The following SYT16 variants were observed in gnomAD, a reference collection of about 807,000 sequenced individuals.
The protein encoded by SYT16 is synaptotagmin 16, also known as synaptotagmin-16.
SYT16 carries 42 observed loss-of-function variants against 61.4 expected under a neutral mutation model. The ratio of observed to expected loss-of-function variants is 0.68; its 90% CI spans 0.53 to 0.89. The LOEUF is 0.89. Ranked by LOEUF, SYT16 falls within the 40% of genes least tolerant of loss-of-function variation. The pLI is 0.00. For synonymous variants in SYT16, 314 were observed against 302.3 expected, an observed-to-expected ratio of 1.04 and a Z score of -0.40; for missense variants, 804 against 807.3, an observed-to-expected ratio of 1.00 and a Z score of 0.05.
rs138262578 is a variant in SYT16, at chr14:62,019,204, G to T, written c.523+22662G>T. Among the ~76,000 whole-genome samples, 681 of 152,306 alleles carry T rather than the reference G, an allele frequency of 4.5e-3. 3 individuals are homozygous for T. Among genetic ancestry groups the T allele is most frequent in the Non-Finnish European group, 6.8e-3 (462 of 68,022 alleles). ...GGAATAACACTGTAGTAATACAAAA[G>T]ATTTTATTTTTAAGCTTGAATTTTA... On this transcript the variant is annotated intron_variant, in intron 3 of 7. Transcript: ENST00000683842.
chr14:61,922,775 C>T (rs950360525), intron 1 of SYT16, among the ~76,000 whole-genome samples: 15 of 152,150 alleles, frequency 9.9e-5, no homozygotes, highest in East Asian at 7.7e-4. Context: ...GTAGGCCAGG[C>T]GTGGTAGCTC....
At chr14:61,884,467 A>G (rs1005372270) in intron 1 of SYT16, among the ~76,000 whole-genome samples, 2 of 152,230 alleles carry the variant, frequency 1.3e-5, no homozygotes, top group Non-Finnish European at 2.9e-5. Context: ...GCTTCAGTCA[A>G]TGATATGCAT....
intron 1 of SYT16, among the ~76,000 whole-genome samples, chr14:61,835,949 G>T (rs1469834434): frequency 6.6e-6 from 1 of 152,136 alleles, no homozygotes; most frequent in East Asian, 1.9e-4. Context: ...GCCTAGAACG[G>T]TGGTTTACAA....
chr14:62,025,210 G>A (rs1490720352), intron 3 of SYT16, among the ~76,000 whole-genome samples: 1 of 152,080 alleles, frequency 6.6e-6, no homozygotes, highest in Non-Finnish European at 1.5e-5. Context: ...GTCTTCCAAA[G>A]TGGTTATACC....
intron 1 of SYT16, among the ~76,000 whole-genome samples, chr14:61,960,648 A>G (rs1440556132): frequency 6.6e-6 from 1 of 152,296 alleles, no homozygotes; most frequent in East Asian, 1.9e-4. Context: ...ATCTGCAAAC[A>G]TGGATAGTTT....
intron 5 of SYT16, chr14:62,079,324 C>T: frequency 8.6e-7 from 1 of 1,164,412 alleles, no homozygotes; most frequent in Non-Finnish European, 1.1e-6. Flanking sequence ...TACAAGAAAT[C>T]TAAATTTTCT....
chr14:62,016,299 A>C (rs185456436), intron 3 of SYT16, among the ~76,000 whole-genome samples: 4 of 152,348 alleles, frequency 2.6e-5, no homozygotes, highest in Admixed American at 2.6e-4. Flanking sequence ...GATGTTATAC[A>C]TACCAGAGAG....
At chr14:62,067,224 A>G (rs113666918) in intron 3 of SYT16, among the ~76,000 whole-genome samples, 5 of 152,220 alleles carry the variant, frequency 3.3e-5, no homozygotes, top group African/African-American at 1.2e-4. Flanking sequence ...ACCGTGGAGA[A>G]GGCATTGTTT....
chr14:62,093,445 G>GTC (rs978676674), intron 7 of SYT16, among the ~76,000 whole-genome samples: 1 of 151,884 alleles, frequency 6.6e-6, no homozygotes, highest in African/African-American at 2.4e-5. Context: ...TTAGATTAAG[G>GTC]TCTCTCTCTT....
Position 61,916,725 on chromosome 14 carries a change from T to C in SYT16, c.-324-53407T>C, listed in dbSNP as rs111529217. Reference sequence around the variant, plus strand: ...TGTATTGGACTCATTAACCAGCCTCTCCTTATCTCCTCTCCCCTGATCCTT... The same window carrying C: ...TGTATTGGACTCATTAACCAGCCTCCCCTTATCTCCTCTCCCCTGATCCTT... On this transcript the variant is annotated intron_variant, in intron 1 of 7. Transcript: ENST00000683842. Among the ~76,000 whole-genome samples, 26 of 152,214 alleles carry C rather than the reference T, an allele frequency of 1.7e-4. 1 individual carries two copies. The highest frequency in any genetic ancestry group is 3.4e-3 in the Middle Eastern group (1 of 294).
intron 7 of SYT16, among the ~76,000 whole-genome samples, chr14:62,088,046 A>G (rs113970803): frequency 6.6e-6 from 1 of 152,342 alleles, no homozygotes; most frequent in African/African-American, 2.4e-5. Context: ...CACTTTGGGA[A>G]AAGGCGTAGA....
intron 1 of SYT16, among the ~76,000 whole-genome samples, chr14:61,813,381 C>T (rs145599148): frequency 2.3e-4 from 35 of 152,298 alleles, no homozygotes; most frequent in African/African-American, 7.0e-4. Context: ...CGTTGGAAGG[C>T]GCTGGGTTGG....
rs930285734 is a variant in SYT16, at chr14:61,838,759, A to G, written c.-325+25949A>G. Among the ~76,000 whole-genome samples the G allele has an allele frequency of 2.0e-5, 3 of 152,304 alleles. No homozygotes were observed. The South Asian group carries it at 6.2e-4, about 32-fold the overall frequency. ...AAGGACTCAAAAACTCCAAACATAAAGTTGTCTATGTTATTGGAAGGGAGA... is the reference window on the plus strand; with the variant it reads ...AAGGACTCAAAAACTCCAAACATAAGGTTGTCTATGTTATTGGAAGGGAGA... On this transcript the variant is annotated intron_variant, in intron 1 of 7. Coordinates refer to ENST00000683842, the MANE Select transcript of SYT16 (RefSeq NM_001367656.1).
intron 3 of SYT16, among the ~76,000 whole-genome samples, chr14:62,042,748 G>A (rs2054786998): frequency 1.3e-5 from 2 of 152,124 alleles, no homozygotes; most frequent in Non-Finnish European, 2.9e-5. Flanking sequence ...TACTGTTTCT[G>A]TGAGCTCTTA....
intron 2 of SYT16, among the ~76,000 whole-genome samples, chr14:61,973,484 T>C (rs2051650529): frequency 6.6e-6 from 1 of 152,198 alleles, no homozygotes; most frequent in African/African-American, 2.4e-5. Context: ...TGACAGTGAT[T>C]GCTTTGGGGA....
intron 1 of SYT16, among the ~76,000 whole-genome samples, chr14:61,813,178 C>T (rs1341926608): frequency 1.3e-5 from 2 of 152,268 alleles, no homozygotes; most frequent in African/African-American, 4.8e-5. Flanking sequence ...TCAAGGTTCG[C>T]CTCGAGTTCT....
chr14:61,905,817 G>C (rs1035397010), intron 1 of SYT16, among the ~76,000 whole-genome samples: 4 of 151,344 alleles, frequency 2.6e-5, no homozygotes, highest in Non-Finnish European at 5.9e-5. Flanking sequence ...GAGTGTAGTG[G>C]TGTGATCTTG....
At position 61,876,446 on chromosome 14, in the gene SYT16, C is replaced by T. The variant is rs563782768; in HGVS notation, c.-325+63636C>T. ...GTGAGTGACTCAGTTGTGGAGTACA[C>T]ACTTTGACTTGTGTTCGGATGGGAG... is the stretch of plus-strand genomic sequence containing the variant. On this transcript the variant is annotated intron_variant, in intron 1 of 7. Coordinates refer to ENST00000683842, the MANE Select transcript of SYT16 (RefSeq NM_001367656.1). 3.9e-4 allele frequency among the ~76,000 whole-genome samples: 59 copies of T among 152,316 alleles called. 1 individual carries two copies. The South Asian group carries it at 0.012, about 31-fold the overall frequency.
chr14:61,953,575 T>C (rs1390687416), intron 1 of SYT16, among the ~76,000 whole-genome samples: 2 of 152,222 alleles, frequency 1.3e-5, no homozygotes, highest in African/African-American at 4.8e-5. Context: ...GCACTGTTGC[T>C]GGAGCCAATT....
Sources: gnomAD v4.1 joint callset for allele counts (sites outside exome capture counted in the v4.1 genomes callset) on GRCh38, gnomAD v4.1.1 for gene constraint, MANE v1.5 for transcripts, NCBI Gene and HGNC (gene_info 2026-07-23, HGNC 2026-07-21) for gene names.